FBXL20: variants seen among roughly 807,000 people sequenced by gnomAD.
FBXL20 encodes the protein F-box and leucine rich repeat protein 20.
FBXL20 carries 11 observed loss-of-function variants against 64.0 expected under a neutral mutation model. The ratio of observed to expected loss-of-function variants is 0.17; its 90% confidence interval spans 0.11 to 0.28. The LOEUF is 0.28. Ranked by LOEUF, FBXL20 falls within the 10% of genes least tolerant of loss-of-function variation. FBXL20 has a pLI of 1.00. For missense variants in FBXL20, 303 were observed against 526.2 expected (o/e 0.58, Z 4.15); for synonymous variants, 184 against 189.0 (o/e 0.97, Z 0.22).
intron 13 of FBXL20, 74 bp from the exon 14 acceptor site, chr17:39,264,461 T>G (rs558576023): frequency 6.6e-7 from 1 of 1,516,786 alleles, no homozygotes; most frequent in African/African-American, 1.4e-5. Flanking sequence ...TTGTGTGAAT[T>G]GGAAAGGAGA....
chr17:39,330,925 A>G (rs930157956), intron 2 of FBXL20, among the ~76,000 whole-genome samples: 4 of 152,222 alleles, frequency 2.6e-5, no homozygotes, highest in African/African-American at 9.6e-5. Context: ...TTAATTTGCC[A>G]GGCAAGCCTT....
At chr17:39,287,968 C>CTT (rs34161800) in intron 6 of FBXL20, among the ~76,000 whole-genome samples, 3,095 of 123,760 alleles carry the variant, frequency 0.025, 209 homozygotes, top group African/African-American at 0.088. Flanking sequence ...GTAATGAAAA[C>CTT]TTTTTTTTTT....
chr17:39,397,788 C>A (rs1019717796), intron 1 of FBXL20, among the ~76,000 whole-genome samples: 2 of 150,332 alleles, frequency 1.3e-5, no homozygotes, highest in African/African-American at 4.9e-5. Context: ...TGGAAAAGCT[C>A]TTTTCCACAA....
intron 2 of FBXL20, among the ~76,000 whole-genome samples, chr17:39,339,689 A>C (rs1164579421): frequency 6.6e-6 from 1 of 151,924 alleles, no homozygotes; most frequent in Non-Finnish European, 1.5e-5. Context: ...CTCTGTCACC[A>C]GGCTGGAGTG....
chr17:39,324,296 CTTT>C (rs548367444), intron 2 of FBXL20, among the ~76,000 whole-genome samples: 1 of 144,034 alleles, frequency 6.9e-6, no homozygotes, highest in African/African-American at 2.7e-5. Context: ...GGTGATTTTT[CTTT>C]TTTTTTTAGA....
intron 2 of FBXL20, among the ~76,000 whole-genome samples, chr17:39,335,881 C>G (rs1293189096): frequency 6.6e-6 from 1 of 152,128 alleles, no homozygotes; most frequent in Non-Finnish European, 1.5e-5. Context: ...TGGCTCATGC[C>G]TGTAATCCTA....
intron 2 of FBXL20, among the ~76,000 whole-genome samples, chr17:39,311,986 T>C (rs955416299): frequency 3.9e-5 from 6 of 152,138 alleles, no homozygotes; most frequent in African/African-American, 1.4e-4. Flanking sequence ...ATCCTAATTC[T>C]GTTCTTAGAA....
chr17:39,311,415 T>C (rs993063255), intron 2 of FBXL20, among the ~76,000 whole-genome samples: 1 of 152,194 alleles, frequency 6.6e-6, no homozygotes, highest in African/African-American at 2.4e-5. Flanking sequence ...GGTTCTCTAT[T>C]AAGACTCTTT....
At position 39,257,811 on chromosome 17, in the gene FBXL20, T is replaced by C. The variant is rs2046708564; in HGVS notation, c.*3649A>G. The C allele has an allele frequency of 6.6e-6, 1 of 152,568 alleles. No individual in the cohort carries two copies. The highest frequency in any genetic ancestry group is 1.5e-5 in the Non-Finnish European group (1 of 68,044). The allele number at this position is 152,568 out of a possible 1,614,324, so 9.5% of individuals were successfully genotyped here. ...ATCAGCAGCATTACTGAGGGTGAGA[T>C]GGAGGCTTTAAATAGAGGGAAAGGA... On this transcript the variant is annotated 3_prime_UTR_variant, in exon 15 of 15. Coordinates refer to ENST00000264658, the MANE Select transcript of FBXL20 (RefSeq NM_032875.3).
At chr17:39,359,764 A>G (rs1433511719) in intron 1 of FBXL20, among the ~76,000 whole-genome samples, 1 of 152,224 alleles carries the variant, frequency 6.6e-6, no homozygotes, top group Non-Finnish European at 1.5e-5. Context: ...GAATTTTCAT[A>G]TGATCCGGCA....
At chr17:39,327,646 C>A (rs2144529335) in intron 2 of FBXL20, among the ~76,000 whole-genome samples, 1 of 152,232 alleles carries the variant, frequency 6.6e-6, no homozygotes, top group East Asian at 1.9e-4. Context: ...TAAAGTACAT[C>A]CACAAGGAGA....
intron 1 of FBXL20, among the ~76,000 whole-genome samples, chr17:39,354,799 T>C (rs1014889010): frequency 9.9e-5 from 15 of 152,160 alleles, no homozygotes; most frequent in East Asian, 7.7e-4. Context: ...AGCACAGCAA[T>C]AGACAGACTG....
intron 1 of FBXL20, among the ~76,000 whole-genome samples, chr17:39,383,827 C>T (rs1296567200): frequency 2.0e-5 from 3 of 151,802 alleles, no homozygotes; most frequent in African/African-American, 4.8e-5. Context: ...TGAGCTCAGG[C>T]AATCCACCCA....
At position 39,260,980 on chromosome 17, in the gene FBXL20, T is replaced by C. The variant is rs1168558412; in HGVS notation, c.*480A>G. On this transcript the variant is annotated 3_prime_UTR_variant, in exon 15 of 15. Transcript: ENST00000264658. ...ATAGAAGCTCTTTAGTCACAATGAA[T>C]GTCTACCATTTCTAAGATGCAAAGA... is the stretch of plus-strand genomic sequence containing the variant. The C allele has an allele frequency of 6.3e-6, 1 of 158,732 alleles. No individual in the cohort carries two copies. Among genetic ancestry groups the C allele is most frequent in the Non-Finnish European group, 1.4e-5 (1 of 71,380 alleles). The allele number at this position is 158,732 out of a possible 1,614,324, so 9.8% of individuals were successfully genotyped here.
Position 39,270,785 on chromosome 17 carries a change from A to G in FBXL20, c.888+11T>C. ...GGAAACAAACCTATGGAACCTAAAG[A>G]AAATACTTACCCTGGCTAGAGTGGT... On this transcript the variant is annotated intron_variant, in intron 11 of 14. Transcript: ENST00000264658. The G allele has an allele frequency of 1.9e-6, 3 of 1,605,192 alleles. No homozygotes were observed. Among genetic ancestry groups the G allele is most frequent in the Non-Finnish European group, 2.5e-6 (3 of 1,176,570 alleles).
At position 39,380,739 on chromosome 17, in the gene FBXL20, G is replaced by A. The variant is rs1049544373; in HGVS notation, c.42+20622C>T. On this transcript the variant is annotated intron_variant, in intron 1 of 14. Transcript: ENST00000264658. ...CAGGACTTTTTGTCCACTTTTATAC[G>A]CTCAGCATCTATAAGAACACCAGGA... Among the ~76,000 whole-genome samples, 7 of 151,908 alleles carry A rather than the reference G, an allele frequency of 4.6e-5. No homozygotes were observed. The East Asian group carries it at 7.7e-4, about 17-fold the overall frequency.
chr17:39,278,428 G>A (rs1159962508), intron 9 of FBXL20, among the ~76,000 whole-genome samples: 6 of 151,942 alleles, frequency 3.9e-5, no homozygotes, highest in Admixed American at 2.0e-4. Flanking sequence ...TTATAGGCAC[G>A]CGCGTGTGTG....
At chr17:39,301,431 A>G (rs953651233) in intron 3 of FBXL20, among the ~76,000 whole-genome samples, 3 of 152,138 alleles carry the variant, frequency 2.0e-5, no homozygotes, top group African/African-American at 4.8e-5. Context: ...TCCCTATAAA[A>G]AAATTTAAAA....
In FBXL20 at chr17:39,363,507, G is replaced by A. The variant is rs78174921; in HGVS notation, c.43-20266C>T. Among the ~76,000 whole-genome samples, 113 of 151,780 alleles carry A rather than the reference G, an allele frequency of 7.4e-4. 1 individual carries two copies. The East Asian group carries it at 0.015, about 20-fold the overall frequency. On this transcript the variant is annotated intron_variant, in intron 1 of 14. Transcript: ENST00000264658. Reference sequence around the variant, plus strand: ...TGAGTGTTTATAAATTAAGCCACATGTCTATACAAACAGATAAATAATGGG... The same window carrying A: ...TGAGTGTTTATAAATTAAGCCACATATCTATACAAACAGATAAATAATGGG...
Sources: gnomAD v4.1 joint callset for allele counts (sites outside exome capture counted in the v4.1 genomes callset) on GRCh38, gnomAD v4.1.1 for gene constraint, MANE v1.5 for transcripts, NCBI Gene and HGNC (gene_info 2026-07-23, HGNC 2026-07-21) for gene names.